EYS: variants seen among roughly 807,000 people sequenced by gnomAD.
EYS encodes the protein EGF-like photoreceptor maintenance factor.
EYS carries 250 observed loss-of-function variants against 282.1 expected under a neutral mutation model. The observed-to-expected ratio is 0.89, with a 90% CI of 0.80 to 0.98. EYS has a LOEUF of 0.98. Among genes scored for constraint, EYS ranks in the 50% least tolerant of loss-of-function variants. EYS has a pLI of 0.00. For synonymous variants in EYS, 1,355 were observed against 1,282.9 expected (o/e 1.06, Z -1.20); for missense variants, 4,016 against 3,709.0 (o/e 1.08, Z -2.15).
At chr6:65,666,077 T>A (rs916970394) in intron 1 of EYS, among the ~76,000 whole-genome samples, 1 of 151,964 alleles carries the variant, frequency 6.6e-6, no homozygotes, top group Non-Finnish European at 1.5e-5. Context: ...AATCTTTTTT[T>A]TTTTTTACAT....
At chr6:65,514,192 G>C (rs571708092) in intron 2 of EYS, among the ~76,000 whole-genome samples, 2 of 152,046 alleles carry the variant, frequency 1.3e-5, no homozygotes, top group South Asian at 2.1e-4. Context: ...ATTCACAATT[G>C]CTTCAAAGAG....
intron 36 of EYS, among the ~76,000 whole-genome samples, chr6:63,843,925 G>C (rs1031768587): frequency 6.6e-6 from 1 of 152,172 alleles, no homozygotes; most frequent in African/African-American, 2.4e-5. Flanking sequence ...CACATGCCAT[G>C]GTGGTTTGCT....
chr6:64,570,165 A>G (rs1315222947), intron 26 of EYS, among the ~76,000 whole-genome samples: 1 of 152,218 alleles, frequency 6.6e-6, no homozygotes, highest in Non-Finnish European at 1.5e-5. Flanking sequence ...AATAATTTCA[A>G]CCCAGAATTT....
chr6:65,688,220 G>T, intron 1 of EYS, among the ~76,000 whole-genome samples: 1 of 152,056 alleles, frequency 6.6e-6, no homozygotes, highest in Non-Finnish European at 1.5e-5. Flanking sequence ...GCATGGTACT[G>T]GTACCAAAAC....
chr6:64,011,019 T>A (rs1039588701), intron 33 of EYS, among the ~76,000 whole-genome samples: 1 of 152,056 alleles, frequency 6.6e-6, no homozygotes, highest in Non-Finnish European at 1.5e-5. Flanking sequence ...TAAACCTATA[T>A]CTATATCAGA....
At chr6:64,565,290 CT>C (rs1231274780) in intron 26 of EYS, among the ~76,000 whole-genome samples, 1 of 151,502 alleles carries the variant, frequency 6.6e-6, no homozygotes, top group Non-Finnish European at 1.5e-5. Flanking sequence ...TGTTTTTTTT[CT>C]GTTTATTTCT....
intron 13 of EYS, among the ~76,000 whole-genome samples, chr6:65,023,129 C>T (rs1283318118): frequency 6.6e-6 from 1 of 152,088 alleles, no homozygotes; most frequent in African/African-American, 2.4e-5. Flanking sequence ...ATCCATTGAA[C>T]TATTTACTTT....
At chr6:64,313,956 C>G (rs1490838199) in intron 29 of EYS, among the ~76,000 whole-genome samples, 2 of 151,990 alleles carry the variant, frequency 1.3e-5, no homozygotes, top group Non-Finnish European at 2.9e-5. Flanking sequence ...GAAACTGCAT[C>G]AACTAATGGG....
intron 19 of EYS, among the ~76,000 whole-genome samples, chr6:64,860,381 T>C (rs1249160014): frequency 1.3e-5 from 2 of 152,218 alleles, no homozygotes; most frequent in Non-Finnish European, 2.9e-5. Flanking sequence ...AAGGGTTTTG[T>C]CAGCAAGCGA....
intron 13 of EYS, among the ~76,000 whole-genome samples, chr6:65,029,739 C>T (rs764111352): frequency 2.0e-5 from 3 of 152,024 alleles, no homozygotes; most frequent in Non-Finnish European, 4.4e-5. Flanking sequence ...CAGCAAGAGA[C>T]CAGACTATTA....
At chr6:65,609,090 A>C (rs1765902856) in intron 2 of EYS, among the ~76,000 whole-genome samples, 1 of 152,092 alleles carries the variant, frequency 6.6e-6, no homozygotes, top group Non-Finnish European at 1.5e-5. Context: ...TTTTATTATA[A>C]AGTAGCACAT....
intron 2 of EYS, among the ~76,000 whole-genome samples, chr6:65,521,405 G>A (rs557620983): frequency 1.3e-5 from 2 of 152,184 alleles, no homozygotes; most frequent in African/African-American, 2.4e-5. Flanking sequence ...ATCATTGTGA[G>A]GACTAAATTA....
chr6:64,649,689 T>C (rs1224078671), intron 22 of EYS, among the ~76,000 whole-genome samples: 1 of 152,220 alleles, frequency 6.6e-6, no homozygotes, highest in Non-Finnish European at 1.5e-5. Context: ...TTGTTTGCTT[T>C]GTTTTCTATT....
At chr6:64,364,388 T>C (rs1772123210) in intron 29 of EYS, among the ~76,000 whole-genome samples, 1 of 151,918 alleles carries the variant, frequency 6.6e-6, no homozygotes, top group Admixed American at 6.6e-5. Flanking sequence ...TTCTAATTAT[T>C]TAAACCCCAA....
chr6:65,139,272 A>G lies in EYS; in HGVS notation c.2024-81545T>C, dbSNP rs115285696. On this transcript the variant is annotated intron_variant, in intron 12 of 42. Transcript: ENST00000503581. Reference sequence around the variant, plus strand: ...AGCCATAAAAAAAGAATGAGATCACATCCTTTGAAACAACATGGATGGAAC... The same window carrying G: ...AGCCATAAAAAAAGAATGAGATCACGTCCTTTGAAACAACATGGATGGAAC... 9.8e-3 allele frequency among the ~76,000 whole-genome samples: 1,492 copies of G among 152,152 alleles called. 25 individuals carry two copies. Among genetic ancestry groups the G allele is most frequent in the African/African-American group, 0.034 (1,409 of 41,546 alleles).
At chr6:64,148,384 A>T (rs1435919478) in intron 31 of EYS, among the ~76,000 whole-genome samples, 2 of 152,086 alleles carry the variant, frequency 1.3e-5, no homozygotes, top group Non-Finnish European at 2.9e-5. Context: ...CCTTTATCTC[A>T]TCTGCTAGCT....
intron 26 of EYS, among the ~76,000 whole-genome samples, chr6:64,476,556 G>T (rs1417533728): frequency 6.6e-6 from 1 of 151,814 alleles, no homozygotes; most frequent in Non-Finnish European, 1.5e-5. Context: ...TTTTCAAAAA[G>T]CCTCTATTAA....
intron 26 of EYS, among the ~76,000 whole-genome samples, chr6:64,446,926 G>T (rs1226692342): frequency 6.7e-6 from 1 of 150,234 alleles, no homozygotes; most frequent in African/African-American, 2.4e-5. Flanking sequence ...CCTTTCTCCA[G>T]GTTTCTTGAA....
At chr6:64,544,412 A>C (rs774296456) in intron 26 of EYS, among the ~76,000 whole-genome samples, 4 of 152,166 alleles carry the variant, frequency 2.6e-5, no homozygotes, top group Admixed American at 6.5e-5. Context: ...AAAGGAACAT[A>C]CATATTAGGA....
Sources: allele counts gnomAD v4.1 joint callset (sites outside exome capture counted in the v4.1 genomes callset), GRCh38; gene constraint gnomAD v4.1.1; transcripts MANE v1.5; gene names NCBI Gene and HGNC (gene_info 2026-07-23, HGNC 2026-07-21).